Variants in AFF3 observed in about 807,000 individuals in gnomAD.
AFF3 encodes AF4/FMR2 family member 3.
AFF3 carries 32 observed loss-of-function variants against 129.7 expected under a neutral mutation model. The observed-to-expected ratio is 0.25, with a 90% CI of 0.19 to 0.33. The LOEUF is 0.33. Ranked by LOEUF, AFF3 falls within the 10% of genes least tolerant of loss-of-function variation. AFF3 has a pLI of 1.00. For missense variants in AFF3, 1,373 were observed against 1,592.0 expected, an observed-to-expected ratio of 0.86 and a Z score of 2.34; for synonymous variants, 644 against 635.4, an observed-to-expected ratio of 1.01 and a Z score of -0.20.
chr2:99,758,231 C>G (rs1682278887), intron 8 of AFF3, among the ~76,000 whole-genome samples: 1 of 152,176 alleles, frequency 6.6e-6, no homozygotes, highest in Admixed American at 6.5e-5. Flanking sequence ...GCAGTCCACC[C>G]TCCACACTGC....
chr2:99,972,336 T>C (rs943471310), intron 7 of AFF3, among the ~76,000 whole-genome samples: 2 of 152,250 alleles, frequency 1.3e-5, no homozygotes, highest in Admixed American at 6.5e-5. Flanking sequence ...AAGAGAATTC[T>C]TTATATTCAC....
chr2:99,735,131 T>C (rs1680144844), intron 10 of AFF3, among the ~76,000 whole-genome samples: 1 of 152,218 alleles, frequency 6.6e-6, no homozygotes, highest in African/African-American at 2.4e-5. Context: ...AAAAATCATT[T>C]TAATCATAGT....
intron 4 of AFF3, among the ~76,000 whole-genome samples, chr2:100,051,524 A>G (rs1573262743): frequency 6.6e-6 from 1 of 152,352 alleles, no homozygotes; most frequent in East Asian, 1.9e-4. Context: ...AAACAAGAGA[A>G]GCTGGTATTG....
At chr2:99,995,241 C>T (rs1005975218) in intron 7 of AFF3, among the ~76,000 whole-genome samples, 35 of 152,066 alleles carry the variant, frequency 2.3e-4, no homozygotes, top group African/African-American at 8.5e-4. Flanking sequence ...AAAAAGAAAG[C>T]ATTTTTTCTT....
chr2:99,969,330 C>A (rs1045516267), intron 7 of AFF3, among the ~76,000 whole-genome samples: 7 of 152,200 alleles, frequency 4.6e-5, no homozygotes, highest in African/African-American at 1.7e-4. Flanking sequence ...GTATGAAGAT[C>A]CATGTTTGGA....
In AFF3 at chr2:99,826,452, A is replaced by T. The variant is rs533297864; in HGVS notation, c.921+11025T>A. 1.3e-4 allele frequency among the ~76,000 whole-genome samples: 20 copies of T among 152,366 alleles called. No homozygotes were observed. The East Asian group carries it at 3.7e-3, about 28-fold the overall frequency. On this transcript the variant is annotated intron_variant, in intron 8 of 24. Coordinates refer to ENST00000672756, the MANE Select transcript of AFF3 (RefSeq NM_001386135.1). ...GTAATAAGAATAAAGTGTAACTGGC[A>T]GACATGGAAGAGGAACCTCTAACTC...
chr2:99,606,590 G>A (rs1242904114), intron 13 of AFF3, among the ~76,000 whole-genome samples: 1 of 152,060 alleles, frequency 6.6e-6, no homozygotes, highest in Non-Finnish European at 1.5e-5. Context: ...TTTCGAGAAG[G>A]TTATAATGTC....
At chr2:100,061,634 TC>T (rs1479076870) in intron 4 of AFF3, among the ~76,000 whole-genome samples, 1 of 152,146 alleles carries the variant, frequency 6.6e-6, no homozygotes, top group Non-Finnish European at 1.5e-5. Flanking sequence ...CAAGTAAGTT[TC>T]CAAGCAATGA....
chr2:99,638,696 T>C (rs1186375961), intron 13 of AFF3, among the ~76,000 whole-genome samples: 2 of 152,160 alleles, frequency 1.3e-5, no homozygotes, highest in Non-Finnish European at 1.5e-5. Flanking sequence ...CCCAGGCCTA[T>C]GAGAAAGGGG....
At chr2:99,891,600 T>C (rs897280681) in intron 7 of AFF3, among the ~76,000 whole-genome samples, 1 of 152,172 alleles carries the variant, frequency 6.6e-6, no homozygotes, top group African/African-American at 2.4e-5. Context: ...CTTTCCACTT[T>C]GGTCCTGTGA....
rs375738798 is a variant in AFF3, at chr2:99,787,164, G to C, written c.922-34863C>G. Among the ~76,000 whole-genome samples the C allele has an allele frequency of 8.9e-4, 136 of 152,224 alleles. 1 individual carries two copies. The highest frequency in any genetic ancestry group is 3.1e-3 in the African/African-American group (128 of 41,542). On this transcript the variant is annotated intron_variant, in intron 8 of 24. Coordinates refer to ENST00000672756, the MANE Select transcript of AFF3 (RefSeq NM_001386135.1). ...TTTGCTCTAAATCACAGATGGCAGCGGGAGGCCACGGCTGTGTGCTGGCTC... is the reference window on the plus strand; with the variant it reads ...TTTGCTCTAAATCACAGATGGCAGCCGGAGGCCACGGCTGTGTGCTGGCTC...
At chr2:99,917,092 G>C (rs746299328) in intron 7 of AFF3, among the ~76,000 whole-genome samples, 2 of 152,142 alleles carry the variant, frequency 1.3e-5, no homozygotes, top group Non-Finnish European at 2.9e-5. Context: ...CTGGCAAATG[G>C]GGCAAGCTGG....
intron 7 of AFF3, among the ~76,000 whole-genome samples, chr2:99,993,437 GAAT>G (rs1186043314): frequency 6.6e-6 from 1 of 151,628 alleles, no homozygotes; most frequent in Non-Finnish European, 1.5e-5. Flanking sequence ...TCTCAGAAAA[GAAT>G]AATTTAAGTA....
At chr2:99,929,719 T>C (rs1268319295) in intron 7 of AFF3, among the ~76,000 whole-genome samples, 2 of 152,138 alleles carry the variant, frequency 1.3e-5, no homozygotes, top group Non-Finnish European at 2.9e-5. Flanking sequence ...TACAAGGCAA[T>C]TGAGAAATTT....
At chr2:99,870,062 T>C (rs538357380) in intron 7 of AFF3, among the ~76,000 whole-genome samples, 5 of 152,292 alleles carry the variant, frequency 3.3e-5, no homozygotes, top group African/African-American at 1.2e-4. Flanking sequence ...CTGTGTGCCT[T>C]CTGGTCTTGC....
At chr2:99,837,348 G>C in intron 8 of AFF3, 129 bp downstream of exon 8, 1 of 862,450 alleles carries the variant, frequency 1.2e-6, no homozygotes, top group Non-Finnish European at 1.8e-6. Context: ...AAACTTATGT[G>C]ACTACTCTCA....
intron 12 of AFF3, among the ~76,000 whole-genome samples, chr2:99,657,947 C>T (rs546805204): frequency 3.3e-4 from 50 of 152,320 alleles, no homozygotes; most frequent in East Asian, 3.9e-4. Context: ...TCCGAGAGGA[C>T]TGAGAGAGAC....
intron 10 of AFF3, among the ~76,000 whole-genome samples, chr2:99,727,559 A>AT (rs35336994): frequency 0.034 from 4,339 of 127,724 alleles, 251 homozygotes; most frequent in African/African-American, 0.12. Context: ...GGAGGAAAGA[A>AT]TTTTTTTTTT....
chr2:99,907,220 C>T (rs892437228), intron 7 of AFF3, among the ~76,000 whole-genome samples: 34 of 152,130 alleles, frequency 2.2e-4, no homozygotes, highest in African/African-American at 7.5e-4. Context: ...TGAAGCCACT[C>T]GTGTTTATCA....
Sources: gnomAD v4.1 joint callset for allele counts (sites outside exome capture counted in the v4.1 genomes callset) on GRCh38, gnomAD v4.1.1 for gene constraint, MANE v1.5 for transcripts, NCBI Gene and HGNC (gene_info 2026-07-23, HGNC 2026-07-21) for gene names.